CNTN4: variants seen among roughly 807,000 people sequenced by gnomAD.
CNTN4 encodes contactin-4.
A neutral mutation model predicts 122.5 loss-of-function variants in CNTN4; 77 were observed. The observed-to-expected ratio is 0.63, with a 90% CI of 0.52 to 0.76. The LOEUF (loss-of-function observed/expected upper bound fraction) is 0.76. Among genes scored for constraint, CNTN4 ranks in the 30% least tolerant of loss-of-function variants. The pLI is 0.00. For synonymous variants in CNTN4, 512 were observed against 447.0 expected (o/e 1.15, Z -1.83); for missense variants, 1,256 against 1,259.1 (o/e 1.00, Z 0.04).
intron 4 of CNTN4, among the ~76,000 whole-genome samples, chr3:2,617,115 G>A (rs771076678): frequency 5.9e-5 from 9 of 152,044 alleles, no homozygotes; most frequent in Non-Finnish European, 1.3e-4. Context: ...CAAAAGCAAC[G>A]GCAACAAAAG....
chr3:2,215,045 A>G (rs1311018890), intron 2 of CNTN4, among the ~76,000 whole-genome samples: 1 of 152,212 alleles, frequency 6.6e-6, no homozygotes, highest in Non-Finnish European at 1.5e-5. Context: ...GTTTAGTTAC[A>G]GACGCAATTG....
At chr3:2,208,773 C>T (rs2038476922) in intron 2 of CNTN4, among the ~76,000 whole-genome samples, 1 of 152,128 alleles carries the variant, frequency 6.6e-6, no homozygotes, top group African/African-American at 2.4e-5. Context: ...GATTAGTCAG[C>T]AGCCATAATA....
chr3:2,278,499 A>T (rs950520957), intron 2 of CNTN4, among the ~76,000 whole-genome samples: 3 of 152,178 alleles, frequency 2.0e-5, no homozygotes, highest in African/African-American at 7.2e-5. Flanking sequence ...GAAACGACTA[A>T]TCTCAGAATG....
chr3:2,794,259 C>T (rs2092100833), intron 6 of CNTN4, among the ~76,000 whole-genome samples: 3 of 152,296 alleles, frequency 2.0e-5, no homozygotes, highest in Middle Eastern at 6.8e-3. Flanking sequence ...AAAAGACTTA[C>T]AGGCAGGAAG....
intron 4 of CNTN4, among the ~76,000 whole-genome samples, chr3:2,654,662 A>G (rs1341382804): frequency 6.6e-6 from 1 of 152,200 alleles, no homozygotes; most frequent in Non-Finnish European, 1.5e-5. Context: ...TTGTTTAGAA[A>G]AGAAAAGGAA....
chr3:2,894,432 A>G (rs2094082969), intron 10 of CNTN4, among the ~76,000 whole-genome samples: 1 of 152,218 alleles, frequency 6.6e-6, no homozygotes, highest in South Asian at 2.1e-4. Flanking sequence ...CCTGTGTACC[A>G]TTGCTAACTG....
intron 2 of CNTN4, among the ~76,000 whole-genome samples, chr3:2,193,270 G>C (rs1327106272): frequency 1.3e-5 from 2 of 151,750 alleles, no homozygotes; most frequent in East Asian, 1.9e-4. Flanking sequence ...TGTCATTTGT[G>C]GACTGATCTG....
intron 2 of CNTN4, among the ~76,000 whole-genome samples, chr3:2,157,496 G>C (rs1451124911): frequency 1.3e-5 from 2 of 152,052 alleles, no homozygotes; most frequent in African/African-American, 4.8e-5. Flanking sequence ...AGCTGTTAAA[G>C]GAAAATAAAA....
At chr3:2,326,538 A>T (rs138620254) in intron 2 of CNTN4, among the ~76,000 whole-genome samples, 11 of 149,788 alleles carry the variant, frequency 7.3e-5, no homozygotes, top group African/African-American at 2.2e-4. Context: ...AATCTTACTG[A>T]TTCTGTTTCT....
intron 12 of CNTN4, among the ~76,000 whole-genome samples, chr3:2,921,905 A>G (rs2094432985): frequency 6.6e-6 from 1 of 152,158 alleles, no homozygotes; most frequent in African/African-American, 2.4e-5. Context: ...CTAAAAACAA[A>G]TAGTTGTGAA....
intron 13 of CNTN4, among the ~76,000 whole-genome samples, chr3:2,983,380 G>A (rs778176363): frequency 2.0e-5 from 3 of 151,702 alleles, no homozygotes; most frequent in Non-Finnish European, 4.4e-5. Flanking sequence ...ATAATGTGTT[G>A]TAGGACTTCA....
rs1375454104 is a variant in CNTN4, at chr3:2,514,811, T to A, written c.-88-56605T>A. 1.6e-4 allele frequency among the ~76,000 whole-genome samples: 24 copies of A among 152,144 alleles called. 1 individual carries two copies. Among genetic ancestry groups the A allele is most frequent in the Admixed American group, 1.6e-3 (24 of 15,260 alleles). ...GCCTTCAAATTGCCTAGGGACAGGG[T>A]GACATGTGACTTAGCTGTCATTTTA... is the stretch of plus-strand genomic sequence containing the variant. On this transcript the variant is annotated intron_variant, in intron 3 of 24. Coordinates refer to ENST00000418658, the MANE Select transcript of CNTN4 (RefSeq NM_175607.3).
chr3:2,669,214 C>G (rs1019750836), intron 4 of CNTN4, among the ~76,000 whole-genome samples: 2 of 152,140 alleles, frequency 1.3e-5, no homozygotes, highest in African/African-American at 4.8e-5. Flanking sequence ...GTGAATCCAT[C>G]TGGTCCTGGA....
chr3:2,776,708 T>C (rs879832346), intron 6 of CNTN4, among the ~76,000 whole-genome samples: 3 of 152,230 alleles, frequency 2.0e-5, no homozygotes, highest in Non-Finnish European at 4.4e-5. Context: ...CAATGATCAA[T>C]AAATATTTGT....
intron 2 of CNTN4, among the ~76,000 whole-genome samples, chr3:2,333,498 T>G (rs2150312930): frequency 6.6e-6 from 1 of 151,772 alleles, no homozygotes; most frequent in East Asian, 1.9e-4. Flanking sequence ...ATAATCATAT[T>G]CTAGTGGTGC....
intron 2 of CNTN4, among the ~76,000 whole-genome samples, chr3:2,246,279 G>T (rs1021244779): frequency 1.3e-5 from 2 of 151,962 alleles, no homozygotes; most frequent in African/African-American, 2.4e-5. Context: ...ACAAAATCAT[G>T]CAATCATTTA....
chr3:2,562,972 C>T (rs2079020817), intron 3 of CNTN4, among the ~76,000 whole-genome samples: 1 of 152,076 alleles, frequency 6.6e-6, no homozygotes, highest in African/African-American at 2.4e-5. Context: ...AAACAGTCCT[C>T]CTGCCTCAGC....
intron 3 of CNTN4, among the ~76,000 whole-genome samples, chr3:2,341,092 GT>G (rs2044194856): frequency 6.6e-6 from 1 of 152,040 alleles, no homozygotes; most frequent in Admixed American, 6.5e-5. Context: ...GATGTGCTGT[GT>G]TTTCCCTTGC....
intron 21 of CNTN4, 119 bp from the exon 22 acceptor site, chr3:3,042,858 T>G: frequency 1.2e-6 from 1 of 802,670 alleles, no homozygotes; most frequent in South Asian, 1.5e-5. Context: ...ATAGCTCTGC[T>G]CATGATGTAG....
Sources: allele counts gnomAD v4.1 joint callset (sites outside exome capture counted in the v4.1 genomes callset), GRCh38; gene constraint gnomAD v4.1.1; transcripts MANE v1.5; gene names NCBI Gene and HGNC (gene_info 2026-07-23, HGNC 2026-07-21).